The following C1orf167 variants were observed in gnomAD, a reference collection of about 807,000 sequenced individuals.
C1orf167 encodes uncharacterized protein C1orf167.
C1orf167 carries 153 observed loss-of-function variants against 176.5 expected under a neutral mutation model. The observed-to-expected ratio is 0.87, with a 90% confidence interval of 0.76 to 0.99. C1orf167 has a LOEUF of 0.99. Ranked by LOEUF, C1orf167 falls within the 50% of genes least tolerant of loss-of-function variation. The probability of loss-of-function intolerance (pLI) is 0.00; values close to 1 mark genes in which losing one functional copy is unlikely to be tolerated. For missense variants in C1orf167, 1,490 were observed against 1,817.7 expected (o/e 0.82, Z 3.28); for synonymous variants, 594 against 752.7 (o/e 0.79, Z 3.45).
chr1:11,771,069 A>ATATATAT (rs1557726938), intron 6 of C1orf167, among the ~76,000 whole-genome samples: 1 of 47,224 alleles, frequency 2.1e-5, no homozygotes, highest in African/African-American at 9.8e-5. Context: ...ATATATATAT[A>ATATATAT]TTTTTTTTTT....
chr1:11,767,070 G>A lies in C1orf167; in HGVS notation c.1284G>A (p.Ala428=), dbSNP rs971658229. ...TCCATCTGTCAGACACAGTCCCAGC[G>A]AGCAGTGCGTCGAAGGTAGAGGCCC... The part of the protein sequence containing the change: ...TAFHLSDTVP[A]SSASKNKAQN... Residue 428 remains alanine (A), a synonymous_variant, in exon 3 of 21, where the codon GCG becomes GCA. Transcript: ENST00000688073. The A allele has an allele frequency of 1.4e-4, 169 of 1,235,164 alleles. No homozygotes were observed. Among genetic ancestry groups the A allele is most frequent in the Non-Finnish European group, 1.7e-4 (164 of 959,488 alleles). 76.5% of individuals were successfully genotyped at this position (1,235,164 alleles called of 1,614,324 possible).
At chr1:11,775,393 G>T in intron 8 of C1orf167, 42 bp from the exon 9 acceptor site, 1 of 1,253,904 alleles carries the variant, frequency 8.0e-7, no homozygotes, top group Non-Finnish European at 1.0e-6. Context: ...GCAGTCATCA[G>T]ATCTTGCAAT....
At chr1:11,775,905 C>T (rs1238760288) in intron 9 of C1orf167, among the ~76,000 whole-genome samples, 2 of 152,158 alleles carry the variant, frequency 1.3e-5, no homozygotes, top group African/African-American at 2.4e-5. Flanking sequence ...GGATGTGGGC[C>T]CTGCTCTTGG....
chr1:11,769,588 A>C (rs1373475526), intron 6 of C1orf167, among the ~76,000 whole-genome samples: 1 of 152,084 alleles, frequency 6.6e-6, no homozygotes, highest in Admixed American at 6.5e-5. Context: ...GCTGAAAAGC[A>C]GCCTAAATGC....
intron 8 of C1orf167, among the ~76,000 whole-genome samples, chr1:11,774,708 A>G (rs11121829): frequency 0.68 from 102,885 of 152,038 alleles, 35,635 homozygotes; most frequent in East Asian, 0.88. Flanking sequence ...ATCTGTGGGG[A>G]CCAGATCAGC....
chr1:11,788,087 A>T (rs1254533237), intron 18 of C1orf167, 40 bp downstream of exon 18: 1 of 1,280,242 alleles, frequency 7.8e-7, no homozygotes, highest in Non-Finnish European at 1.0e-6. Flanking sequence ...GGTCCGAGGG[A>T]TGGGGGCAAG....
intron 14 of C1orf167, 33 bp downstream of exon 14, chr1:11,782,366 C>A: frequency 8.3e-7 from 1 of 1,203,094 alleles, no homozygotes; most frequent in East Asian, 7.1e-5. Flanking sequence ...GGGTGTTGGT[C>A]CTCCCCACGC....
At chr1:11,763,078 T>A (rs529825063) in intron 1 of C1orf167, among the ~76,000 whole-genome samples, 18 of 151,996 alleles carry the variant, frequency 1.2e-4, no homozygotes, top group Non-Finnish European at 2.4e-4. Context: ...AGGGGGCTGG[T>A]GTGTGTGGAG....
At chr1:11,764,251 G>T in intron 1 of C1orf167, 80 bp from the exon 2 acceptor site, 1 of 520,698 alleles carries the variant, frequency 1.9e-6, no homozygotes, top group South Asian at 1.7e-5. Flanking sequence ...GCAGCTAGGA[G>T]TACTGCTAAA....
Position 11,788,151 on chromosome 1 carries a change from C to G in C1orf167, c.3851C>G (p.Ala1284Gly). The change falls in exon 19 of 21, where the codon GCT becomes GGT. Residue 1284 changes from alanine to glycine, a missense_variant and splice_region_variant. By Grantham distance (60) the Ala-to-Gly change is moderately conservative. Coordinates refer to ENST00000688073, the MANE Select transcript of C1orf167 (RefSeq NM_001010881.2). ...ACAGCTGGGCCCTCTCTGGCCAGTG[C>G]TCGTTCCTGCAGGATCCTGGAAAAG... The part of the protein sequence containing the change: ...QSKAHKRRLR[A>G]RSCRILEKQA... The G allele has an allele frequency of 7.8e-7, 1 of 1,286,002 alleles. No individual in the cohort carries two copies. Among genetic ancestry groups the G allele is most frequent in the Non-Finnish European group, 1.0e-6 (1 of 974,698 alleles). The allele number at this position is 1,286,002 out of a possible 1,614,324, so 79.7% of individuals were successfully genotyped here.
At position 11,788,144 on chromosome 1, in the gene C1orf167, G is replaced by A. The variant is rs1230243107; in HGVS notation, c.3849-5G>A. 1.6e-6 allele frequency: 2 copies of A among 1,284,178 alleles called. No homozygotes were observed. Among genetic ancestry groups the A allele is most frequent in the Non-Finnish European group, 2.1e-6 (2 of 973,544 alleles). The allele number at this position is 1,284,178 out of a possible 1,614,324, so 79.5% of individuals were successfully genotyped here. A position where few individuals can be genotyped will look rare whatever the true frequency, so the allele number is the denominator to read the frequency against. ...CATGGCTACAGCTGGGCCCTCTCTG[G>A]CCAGTGCTCGTTCCTGCAGGATCCT... On this transcript the variant is annotated splice_region_variant and splice_polypyrimidine_tract_variant and intron_variant, in intron 18 of 20. Coordinates refer to ENST00000688073, the MANE Select transcript of C1orf167 (RefSeq NM_001010881.2).
intron 1 of C1orf167, 87 bp downstream of exon 1, chr1:11,762,392 CA>C (rs780424546): frequency 2.7e-4 from 60 of 221,138 alleles, no homozygotes; most frequent in Middle Eastern, 1.1e-3. Flanking sequence ...CTTAAGTGGA[CA>C]GGGGTGGGGG....
chr1:11,763,629 G>A (rs567415203), intron 1 of C1orf167, among the ~76,000 whole-genome samples: 13 of 152,204 alleles, frequency 8.5e-5, no homozygotes, highest in African/African-American at 2.4e-4. Context: ...GAAGGCTCAC[G>A]GGGCATTGAG....
rs190589787 is a variant in C1orf167 at position 11,781,783 on chromosome 1, G to A, written c.2861-406G>A. 1.8e-3 allele frequency among the ~76,000 whole-genome samples: 270 copies of A among 152,014 alleles called. 5 individuals carry two copies. The highest frequency in any genetic ancestry group is 6.3e-3 in the African/African-American group (262 of 41,460). ...AAATTAGCCAGGCGTGGTAGTGTGC[G>A]CCTGTAGTCCCAGCTACTCGGGAGG... is the stretch of plus-strand genomic sequence containing the variant. On this transcript the variant is annotated intron_variant, in intron 13 of 20. Transcript: ENST00000688073.
intron 15 of C1orf167, 64 bp downstream of exon 15, chr1:11,784,657 T>C: frequency 8.4e-7 from 1 of 1,191,124 alleles, no homozygotes; most frequent in South Asian, 1.5e-5. Flanking sequence ...AAGCCTGTTT[T>C]TGGCAGGGGT....
At position 11,764,479 on chromosome 1, in the gene C1orf167, C is replaced by A; in HGVS notation, c.70+9C>A. ...AGCGCTCCCGAAGCCAGGCAAGAGG[C>A]TTAGTGGGCCTGGATGGGCAGTTAC... On this transcript the variant is annotated intron_variant, in intron 2 of 20. Coordinates refer to ENST00000688073, the MANE Select transcript of C1orf167 (RefSeq NM_001010881.2). 4.7e-6 allele frequency: 6 copies of A among 1,289,246 alleles called. No individual in the cohort carries two copies. The highest frequency in any genetic ancestry group is 6.1e-6 in the Non-Finnish European group (6 of 988,714). The allele number at this position is 1,289,246 out of a possible 1,614,324, so 79.9% of individuals were successfully genotyped here. A position where few individuals can be genotyped will look rare whatever the true frequency, so the allele number is the denominator to read the frequency against.
intron 1 of C1orf167, among the ~76,000 whole-genome samples, chr1:11,763,742 C>T (rs966290002): frequency 4.6e-5 from 7 of 152,070 alleles, no homozygotes; most frequent in East Asian, 1.9e-4. Context: ...GGCTGTCGGG[C>T]GTGAGGACGA....
chr1:11,787,781 C>T (rs1435065985), intron 17 of C1orf167, 92 bp from the exon 18 acceptor site: 5 of 1,176,938 alleles, frequency 4.2e-6, no homozygotes, highest in African/African-American at 1.6e-5. Context: ...TTCCTCCACC[C>T]TCCTCACTGT....
rs537235572 is a variant in C1orf167, at chr1:11,769,218, G to A, written c.1697+91G>A. 156 of 918,362 alleles carry A rather than the reference G, an allele frequency of 1.7e-4. No individual in the cohort carries two copies. The South Asian group carries it at 5.0e-3, about 29-fold the overall frequency. The allele number at this position is 918,362 out of a possible 1,614,324, so 56.9% of individuals were successfully genotyped here. On this transcript the variant is annotated intron_variant, in intron 6 of 20. Coordinates refer to ENST00000688073, the MANE Select transcript of C1orf167 (RefSeq NM_001010881.2). ...CTTCCTCATCCCCACAAAAGAATGGGAATGAAATAAGCAGATGTGGGCAAA... is the reference window on the plus strand; with the variant it reads ...CTTCCTCATCCCCACAAAAGAATGGAAATGAAATAAGCAGATGTGGGCAAA...
Sources: allele counts gnomAD v4.1 joint callset (sites outside exome capture counted in the v4.1 genomes callset), GRCh38; gene constraint gnomAD v4.1.1; transcripts MANE v1.5; gene names NCBI Gene and HGNC (gene_info 2026-07-23, HGNC 2026-07-21).